The following TMEM132D variants were observed in gnomAD, a reference collection of about 807,000 sequenced individuals.
The protein encoded by TMEM132D is mature OL transmembrane protein.
Under a neutral mutation model 62.3 loss-of-function variants are expected in TMEM132D, and 21 were observed. The ratio of observed to expected loss-of-function variants is 0.34; its 90% confidence interval spans 0.24 to 0.49. The LOEUF is 0.49. Ranked by LOEUF, TMEM132D falls within the 20% of genes least tolerant of loss-of-function variation. The pLI, the probability that TMEM132D is intolerant of heterozygous loss-of-function variation, is 0.99. For missense variants in TMEM132D, 1,346 were observed against 1,402.8 expected (o/e 0.96, Z 0.65); for synonymous variants, 621 against 575.6 (o/e 1.08, Z -1.13).
chr12:129,504,135 C>T (rs1049772309), intron 3 of TMEM132D, among the ~76,000 whole-genome samples: 1 of 152,082 alleles, frequency 6.6e-6, no homozygotes, highest in Non-Finnish European at 1.5e-5. Flanking sequence ...ACACCATCAC[C>T]ACCCTCATCA....
At chr12:129,648,902 A>G (rs1429468662) in intron 2 of TMEM132D, among the ~76,000 whole-genome samples, 2 of 152,202 alleles carry the variant, frequency 1.3e-5, no homozygotes, top group African/African-American at 4.8e-5. Context: ...CTCAAAATGA[A>G]GGAACTGTAG....
intron 2 of TMEM132D, among the ~76,000 whole-genome samples, chr12:129,624,896 G>T (rs1410099260): frequency 6.9e-6 from 1 of 144,044 alleles, no homozygotes; most frequent in East Asian, 2.0e-4. Flanking sequence ...AGTGGAGAAG[G>T]CATCTGGAGG....
chr12:129,581,204 C>T (rs896639931), intron 2 of TMEM132D, among the ~76,000 whole-genome samples: 4 of 152,214 alleles, frequency 2.6e-5, no homozygotes, highest in African/African-American at 9.6e-5. Context: ...GCACAGCCAG[C>T]TCTCCTTTTC....
intron 5 of TMEM132D, among the ~76,000 whole-genome samples, chr12:129,117,933 C>T (rs1875943724): frequency 6.6e-6 from 1 of 152,188 alleles, no homozygotes; most frequent in Admixed American, 6.5e-5. Flanking sequence ...TGAAGTTGAA[C>T]AGCAGGAAGC....
At chr12:129,690,679 C>T (rs1881042805) in intron 2 of TMEM132D, among the ~76,000 whole-genome samples, 3 of 152,124 alleles carry the variant, frequency 2.0e-5, no homozygotes, top group African/African-American at 4.8e-5. Context: ...CTAACAAATG[C>T]ACAACAAAAT....
At chr12:129,322,006 A>G (rs960345729) in intron 4 of TMEM132D, among the ~76,000 whole-genome samples, 1 of 151,656 alleles carries the variant, frequency 6.6e-6, no homozygotes, top group African/African-American at 2.4e-5. Flanking sequence ...TGGTGGTGTA[A>G]AAGCATCAGT....
intron 4 of TMEM132D, among the ~76,000 whole-genome samples, chr12:129,302,277 G>T (rs1881736057): frequency 6.6e-6 from 1 of 152,158 alleles, no homozygotes; most frequent in Non-Finnish European, 1.5e-5. Context: ...ACCATACCCG[G>T]CTAATTTTTG....
At chr12:129,459,889 T>G (rs933132539) in intron 3 of TMEM132D, among the ~76,000 whole-genome samples, 1 of 152,098 alleles carries the variant, frequency 6.6e-6, no homozygotes, top group Non-Finnish European at 1.5e-5. Flanking sequence ...CCGATTAGGA[T>G]TTCATATTAA....
chr12:129,706,260 T>G (rs959853544), intron 1 of TMEM132D, among the ~76,000 whole-genome samples: 10 of 151,966 alleles, frequency 6.6e-5, no homozygotes, highest in African/African-American at 2.2e-4. Flanking sequence ...TTAAATAAGT[T>G]GACTGAGGTA....
At chr12:129,851,025 C>A (rs1873521016) in intron 1 of TMEM132D, among the ~76,000 whole-genome samples, 1 of 152,136 alleles carries the variant, frequency 6.6e-6, no homozygotes, top group South Asian at 2.1e-4. Flanking sequence ...AAAGGTGAAA[C>A]TGAGGTCAAT....
chr12:129,320,594 G>A (rs1216851427), intron 4 of TMEM132D, among the ~76,000 whole-genome samples: 1 of 152,136 alleles, frequency 6.6e-6, no homozygotes, highest in African/African-American at 2.4e-5. Flanking sequence ...GAAGTATTCT[G>A]GTGTCTCATC....
At chr12:129,470,018 C>T (rs545165291) in intron 3 of TMEM132D, among the ~76,000 whole-genome samples, 1 of 152,110 alleles carries the variant, frequency 6.6e-6, no homozygotes, top group Non-Finnish European at 1.5e-5. Flanking sequence ...TGAAATATGG[C>T]TGCCCGGCCT....
chr12:129,811,840 C>T (rs1872192654), intron 1 of TMEM132D, among the ~76,000 whole-genome samples: 1 of 151,638 alleles, frequency 6.6e-6, no homozygotes, highest in Non-Finnish European at 1.5e-5. Context: ...TGATGGCCAG[C>T]CAGAGCACTG....
At chr12:129,456,504 G>A (rs1873471980) in intron 3 of TMEM132D, among the ~76,000 whole-genome samples, 1 of 152,114 alleles carries the variant, frequency 6.6e-6, no homozygotes, top group African/African-American at 2.4e-5. Context: ...GTGTCTGCCA[G>A]ATTCTTCCAG....
In TMEM132D at chr12:129,084,579, G is replaced by T. The variant is rs144267550; in HGVS notation, c.1567C>A (p.Arg523=). Residue 523 remains arginine (R), a synonymous_variant, in exon 6 of 9, where the codon CGG becomes AGG. Transcript: ENST00000422113. ...GAGACCTCGATCTGCAGCGGAAGCC[G>T]GGGCACCCACACCGTCATCTCCAGG... The part of the protein sequence containing the change: ...SPLEMTVWVP[R]LPLQIEVSDT... The T allele has an allele frequency of 6.2e-7, 1 of 1,614,000 alleles. No individual in the cohort carries two copies. Among genetic ancestry groups the T allele is most frequent in the African/African-American group, 1.3e-5 (1 of 75,024 alleles).
intron 2 of TMEM132D, among the ~76,000 whole-genome samples, chr12:129,693,695 C>A (rs189974454): frequency 7.2e-5 from 11 of 152,282 alleles, no homozygotes; most frequent in Admixed American, 7.2e-4. Flanking sequence ...TTGAGCAGAG[C>A]ACTCTTCAGT....
At chr12:129,747,631 C>G (rs1359810205) in intron 1 of TMEM132D, among the ~76,000 whole-genome samples, 1 of 150,800 alleles carries the variant, frequency 6.6e-6, no homozygotes, top group Non-Finnish European at 1.5e-5. Flanking sequence ...CACAGACACA[C>G]ACAGTCAGAT....
chr12:129,799,752 A>C (rs1565989906), intron 1 of TMEM132D, among the ~76,000 whole-genome samples: 4 of 152,148 alleles, frequency 2.6e-5, no homozygotes, highest in African/African-American at 9.7e-5. Context: ...GTAGCAGGAA[A>C]ACTGCCAGGA....
intron 1 of TMEM132D, among the ~76,000 whole-genome samples, chr12:129,807,764 A>G (rs1872039867): frequency 6.6e-6 from 1 of 152,200 alleles, no homozygotes; most frequent in Non-Finnish European, 1.5e-5. Context: ...CATTTGGTTG[A>G]AGTCCAACTG....
Sources: allele counts gnomAD v4.1 joint callset (sites outside exome capture counted in the v4.1 genomes callset), GRCh38; gene constraint gnomAD v4.1.1; transcripts MANE v1.5; gene names NCBI Gene and HGNC (gene_info 2026-07-23, HGNC 2026-07-21).